ZNF25: variants seen among roughly 807,000 people sequenced by gnomAD.
ZNF25 encodes zinc finger protein 25.
ZNF25 carries 21 observed loss-of-function variants against 30.9 expected under a neutral mutation model. That is an observed-to-expected ratio of 0.68 (90% CI 0.48 to 0.98). The LOEUF (loss-of-function observed/expected upper bound fraction) is 0.98, where lower values mean the gene tolerates loss of function less well. ZNF25 is among the 50% of genes least tolerant of loss of function. The pLI is 0.00. For synonymous variants in ZNF25, 169 were observed against 181.3 expected (o/e 0.93, Z 0.55); for missense variants, 501 against 529.9 (o/e 0.95, Z 0.54).
In ZNF25 at chr10:37,951,118, T is replaced by C. The variant is rs1019114177; in HGVS notation, c.*1009A>G. 6.6e-6 allele frequency: 1 copy of C among 152,192 alleles called. No individual in the cohort carries two copies. Among genetic ancestry groups the C allele is most frequent in the African/African-American group, 2.4e-5 (1 of 41,440 alleles). 9.4% of individuals were successfully genotyped at this position (152,192 alleles called of 1,614,324 possible). A position where few individuals can be genotyped will look rare whatever the true frequency, so the allele number is the denominator to read the frequency against. ...TTTAACTTATTTTTGAAGGATTAGT[T>C]ATTACCACTGTCTATATCCATTTAC... On this transcript the variant is annotated 3_prime_UTR_variant, in exon 6 of 6. Coordinates refer to ENST00000302609, the MANE Select transcript of ZNF25 (RefSeq NM_145011.4).
At chr10:37,968,101 A>G (rs2063287107) in intron 2 of ZNF25, among the ~76,000 whole-genome samples, 1 of 152,232 alleles carries the variant, frequency 6.6e-6, no homozygotes, top group African/African-American at 2.4e-5. Context: ...TCTGTTGCCC[A>G]GGCTGGAGTG....
Position 37,951,149 on chromosome 10 carries a change from C to CA in ZNF25, c.*977dup, listed in dbSNP as rs762173800. On this transcript the variant is annotated 3_prime_UTR_variant, in exon 6 of 6. Transcript: ENST00000302609. ...CACTGTCTATATCCATTTACAAACA[C>CA]AAAAAAGGATAAAAAGATGCCTTAT... 6.6e-6 allele frequency: 1 copy of CA among 151,900 alleles called. No homozygotes were observed. The highest frequency in any genetic ancestry group is 6.6e-5 in the Admixed American group (1 of 15,244). 9.4% of individuals were successfully genotyped at this position (151,900 alleles called of 1,614,324 possible).
intron 1 of ZNF25, among the ~76,000 whole-genome samples, chr10:37,972,427 T>A (rs964424020): frequency 6.6e-6 from 1 of 152,188 alleles, no homozygotes; most frequent in Admixed American, 6.6e-5. Context: ...AATTAGATAA[T>A]CTTGCACAAC....
Position 37,968,744 on chromosome 10 carries a change from C to T in ZNF25, c.15+2964G>A, listed in dbSNP as rs535272858. On this transcript the variant is annotated intron_variant, in intron 2 of 5. Transcript: ENST00000302609. Reference sequence around the variant, plus strand: ...CTTGAGTGTACATTTCTCCAAATAACACAACTCACCCTTGAACAACACAGG... The same window carrying T: ...CTTGAGTGTACATTTCTCCAAATAATACAACTCACCCTTGAACAACACAGG... Among the ~76,000 whole-genome samples the T allele has an allele frequency of 1.2e-4, 18 of 152,306 alleles. No homozygotes were observed. In the South Asian group the frequency reaches 3.5e-3, roughly 30 times the overall value.
chr10:37,952,371 CCA>C lies in ZNF25; in HGVS notation c.1125_1126del (p.Cys375TrpfsTer52). 6.2e-7 allele frequency: 1 copy of C among 1,613,986 alleles called. No individual in the cohort carries two copies. ...GACTGAATTCACAGCAAAAGATTTG[CCA>C]CATTCTGTGCATTCATAGGGCTTCT... On this transcript the variant is annotated frameshift_variant, in exon 6 of 6. Coordinates refer to ENST00000302609, the MANE Select transcript of ZNF25 (RefSeq NM_145011.4). LOFTEE classifies it low-confidence loss of function (END_TRUNC).
At position 37,952,822 on chromosome 10, in the gene ZNF25, C is replaced by T. The variant is rs2062246918; in HGVS notation, c.676G>A (p.Gly226Arg). 1 of 1,613,852 alleles carries T rather than the reference C, an allele frequency of 6.2e-7. No homozygotes were observed. The highest frequency in any genetic ancestry group is 2.2e-5 in the East Asian group (1 of 44,834). The change falls in exon 6 of 6, where the codon GGG becomes AGG. Residue 226 changes from glycine to arginine, a missense_variant. Gly to Arg is a moderately radical substitution (Grantham distance 125, BLOSUM62 -2). Coordinates refer to ENST00000302609, the MANE Select transcript of ZNF25 (RefSeq NM_145011.4). ...TCAGTACATTCAAAAGGTTTCTCCCCTGTGTGTGTTTTCTGATGTTCTGTG... is the reference window on the plus strand; with the variant it reads ...TCAGTACATTCAAAAGGTTTCTCCCTTGTGTGTGTTTTCTGATGTTCTGTG... ...HLTEHQKTHT[G>R]EKPFECTECG...
In ZNF25 at chr10:37,952,925, T is replaced by C. The variant is rs2062256390; in HGVS notation, c.573A>G (p.Arg191=). The C allele has an allele frequency of 6.2e-7, 1 of 1,614,212 alleles. No individual in the cohort carries two copies. The highest frequency in any genetic ancestry group is 8.5e-7 in the Non-Finnish European group (1 of 1,180,020). The change falls in exon 6 of 6, where the codon AGA becomes AGG. Residue 191 remains arginine (R), a synonymous_variant. Transcript: ENST00000302609. ...KIFYHLSSLS[R]HLRTHAGEKP... ...TCTCTCCTGCATGGGTTCTCAGATG[T>C]CTACTGAGAGATGATAGGTGGTAAA...
At position 37,952,408 on chromosome 10, in the gene ZNF25, G is replaced by A; in HGVS notation, c.1090C>T (p.His364Tyr). 1 of 1,614,142 alleles carries A rather than the reference G, an allele frequency of 6.2e-7. No individual in the cohort carries two copies. The highest frequency in any genetic ancestry group is 8.5e-7 in the Non-Finnish European group (1 of 1,180,012). The change falls in exon 6 of 6, where the codon CAC becomes TAC. Residue 364 changes from histidine to tyrosine, a missense_variant. His to Tyr is a moderately conservative substitution (Grantham distance 83, BLOSUM62 2). Transcript: ENST00000302609. ...KSDLTKHQRK[H>Y]TGEKPYECTE... ...CATTCATAGGGCTTCTCCCCTGTGT[G>A]TTTTCTCTGATGTTTAGTGAGGTCT...
At chr10:37,963,906 C>CAG (rs2063033366) in intron 2 of ZNF25, among the ~76,000 whole-genome samples, 1 of 152,136 alleles carries the variant, frequency 6.6e-6, no homozygotes, top group African/African-American at 2.4e-5. Flanking sequence ...ACCTGGGAGG[C>CAG]AGAGGTTGCC....
chr10:37,952,362 A>G lies in ZNF25; in HGVS notation c.1136T>C (p.Phe379Ser), dbSNP rs771374697. 1.9e-6 allele frequency: 3 copies of G among 1,613,964 alleles called. No homozygotes were observed. Among genetic ancestry groups the G allele is most frequent in the Admixed American group, 1.7e-5 (1 of 59,990 alleles). The change falls in exon 6 of 6, where the codon TTT becomes TCT. Residue 379 changes from phenylalanine to serine, a missense_variant. By Grantham distance (155) the Phe-to-Ser change is radical. Coordinates refer to ENST00000302609, the MANE Select transcript of ZNF25 (RefSeq NM_145011.4). ...PYECTECGKS[F>S]AVNSVLRLHQ... ...TAATCTGAGGACTGAATTCACAGCAAAAGATTTGCCACATTCTGTGCATTC... is the reference window on the plus strand; with the variant it reads ...TAATCTGAGGACTGAATTCACAGCAGAAGATTTGCCACATTCTGTGCATTC...
rs2063554773 is a variant in ZNF25, at chr10:37,972,658, T to C, written c.-85-851A>G. 2.0e-5 allele frequency among the ~76,000 whole-genome samples: 3 copies of C among 152,132 alleles called. No individual in the cohort carries two copies. In the South Asian group the frequency reaches 6.2e-4, roughly 32 times the overall value. ...ATAATTCTCAAACAAGCACTTCATA[T>C]AGGTAGCAAAAGGCAACTACGTCAT... On this transcript the variant is annotated intron_variant, in intron 1 of 5. Transcript: ENST00000302609.
intron 2 of ZNF25, among the ~76,000 whole-genome samples, chr10:37,969,539 T>G (rs1011871987): frequency 3.3e-5 from 5 of 152,162 alleles, no homozygotes; most frequent in Non-Finnish European, 7.4e-5. Context: ...ATGATCTCAC[T>G]TACACGAAAT....
At chr10:37,957,146 C>T (rs776036809) in intron 3 of ZNF25, 31 bp from the exon 4 acceptor site, 9 of 1,588,114 alleles carry the variant, frequency 5.7e-6, no homozygotes, top group Non-Finnish European at 7.8e-6. Flanking sequence ...GGAAATGATA[C>T]AAATTGCTTG....
chr10:37,953,564 T>C, intron 5 of ZNF25, 131 bp downstream of exon 5: 1 of 816,230 alleles, frequency 1.2e-6, no homozygotes, highest in Admixed American at 2.3e-5. Flanking sequence ...TTGGATTATA[T>C]TCCTTGGGAT....
At chr10:37,965,467 G>A (rs2063132127) in intron 2 of ZNF25, among the ~76,000 whole-genome samples, 1 of 152,224 alleles carries the variant, frequency 6.6e-6, no homozygotes, top group Non-Finnish European at 1.5e-5. Flanking sequence ...AACTGTGAAA[G>A]CCAAAAGGCA....
intron 3 of ZNF25, 58 bp from the exon 4 acceptor site, chr10:37,957,173 A>G: frequency 6.6e-7 from 1 of 1,515,824 alleles, no homozygotes; most frequent in Non-Finnish European, 9.1e-7. Context: ...AGGGACTGTG[A>G]AAGATGAGGA....
rs2062153390 is a variant in ZNF25, at chr10:37,951,726, A to G, written c.*401T>C. The G allele has an allele frequency of 6.0e-6, 1 of 166,534 alleles. No homozygotes were observed. The highest frequency in any genetic ancestry group is 1.3e-5 in the Non-Finnish European group (1 of 78,052). 10.3% of individuals were successfully genotyped at this position (166,534 alleles called of 1,614,324 possible). ...TCCAATTGTGTAAAGAGATTTCTAG[A>G]TACTCAAGGAGCTTCTCATTTGTGA... On this transcript the variant is annotated 3_prime_UTR_variant, in exon 6 of 6. Coordinates refer to ENST00000302609, the MANE Select transcript of ZNF25 (RefSeq NM_145011.4).
chr10:37,956,176 G>C (rs1249965398), intron 4 of ZNF25, among the ~76,000 whole-genome samples: 1 of 152,136 alleles, frequency 6.6e-6, no homozygotes, highest in East Asian at 1.9e-4. Context: ...AGTGCTTTGT[G>C]GGAAGGATAA....
Position 37,951,886 on chromosome 10 carries a change from T to C in ZNF25, c.*241A>G. On this transcript the variant is annotated 3_prime_UTR_variant, in exon 6 of 6. Transcript: ENST00000302609. ...CTTCTGAAAGGTTTCCTTCCTGTTT[T>C]ACAATTTGCATGACTTCTGCCATCT... 2.6e-6 allele frequency: 1 copy of C among 390,104 alleles called. No individual in the cohort carries two copies. Among genetic ancestry groups the C allele is most frequent in the Non-Finnish European group, 4.5e-6 (1 of 221,090 alleles). 24.2% of individuals were successfully genotyped at this position (390,104 alleles called of 1,614,324 possible).
Sources: allele counts gnomAD v4.1 joint callset (sites outside exome capture counted in the v4.1 genomes callset), GRCh38; gene constraint gnomAD v4.1.1; transcripts MANE v1.5; gene names NCBI Gene and HGNC (gene_info 2026-07-23, HGNC 2026-07-21).